The following FAM234B variants were observed in gnomAD, a reference collection of about 807,000 sequenced individuals.
FAM234B encodes family with sequence similarity 234 member B.
In FAM234B, 33 loss-of-function variants were observed where a neutral mutation model predicts 69.3. The observed-to-expected ratio is 0.48, with a 90% confidence interval of 0.36 to 0.64. FAM234B has a LOEUF of 0.64. Ranked by LOEUF, FAM234B falls within the 30% of genes least tolerant of loss-of-function variation. The pLI, the probability that FAM234B is intolerant of heterozygous loss-of-function variation, is 0.00. For synonymous variants in FAM234B, 306 were observed against 306.9 expected (o/e 1.00, Z 0.03); for missense variants, 697 against 769.7 (o/e 0.91, Z 1.12).
At position 13,076,162 on chromosome 12, in the gene FAM234B, G is replaced by A. The variant is rs182078869; in HGVS notation, c.1642+19G>A. ...TCAGAGGGTGAGTCCCAGTGCCAGC[G>A]GGAGTCTGTGTACGCAGATGGTGGG... is the stretch of plus-strand genomic sequence containing the variant. On this transcript the variant is annotated intron_variant, in intron 11 of 12. Coordinates refer to ENST00000197268, the MANE Select transcript of FAM234B (RefSeq NM_020853.2). 1.9e-5 allele frequency: 30 copies of A among 1,547,684 alleles called. No homozygotes were observed. Among genetic ancestry groups the A allele is most frequent in the Non-Finnish European group, 2.3e-5 (26 of 1,119,670 alleles).
chr12:13,068,783 C>T lies in FAM234B; in HGVS notation c.1368+72C>T, dbSNP rs1184371728. ...ACTTTGTGTCCAACCCTGTGTTAGG[C>T]ACAGCAGGGAATAAAAAGAACCTAA... On this transcript the variant is annotated intron_variant, in intron 9 of 12. Transcript: ENST00000197268. 3.1e-6 allele frequency: 3 copies of T among 973,058 alleles called. No individual in the cohort carries two copies. In the East Asian group the frequency reaches 7.3e-5, roughly 24 times the overall value. 60.3% of individuals were successfully genotyped at this position (973,058 alleles called of 1,614,324 possible). A position where few individuals can be genotyped will look rare whatever the true frequency, so the allele number is the denominator to read the frequency against.
intron 1 of FAM234B, among the ~76,000 whole-genome samples, chr12:13,053,373 G>T (rs2120451091): frequency 6.6e-6 from 1 of 152,016 alleles, no homozygotes; most frequent in East Asian, 1.9e-4. Context: ...TGGTATTGGG[G>T]GAACCAGCCC....
chr12:13,064,043 TC>T (rs943910853), intron 5 of FAM234B, among the ~76,000 whole-genome samples: 99 of 152,068 alleles, frequency 6.5e-4, no homozygotes, highest in African/African-American at 2.3e-3. Context: ...CTGCCAAGAG[TC>T]CCCCAAACTT....
intron 2 of FAM234B, 109 bp from the exon 3 acceptor site, chr12:13,058,342 C>T (rs1864952710): frequency 1.2e-6 from 1 of 821,790 alleles, no homozygotes. Context: ...GTCTACTATA[C>T]CTAGTCGAGG....
Position 13,061,624 on chromosome 12 carries a change from C to G in FAM234B, c.582C>G (p.Gly194=), listed in dbSNP as rs1277112084. 3 of 1,613,772 alleles carry G rather than the reference C, an allele frequency of 1.9e-6. No individual in the cohort carries two copies. Among genetic ancestry groups the G allele is most frequent in the Non-Finnish European group, 2.5e-6 (3 of 1,179,938 alleles). The change falls in exon 4 of 13, where the codon GGC becomes GGG. Residue 194 remains glycine (G), a synonymous_variant. Transcript: ENST00000197268. ...ANLVCLSGMN[G]STLWSSLLPE... ...TTGTATGCCTTTCGGGGATGAATGG[C>G]AGCACACTGTGGTCTAGTCTTCTCC...
At chr12:13,045,195 G>A (rs1235409178) in intron 1 of FAM234B, among the ~76,000 whole-genome samples, 2 of 151,156 alleles carry the variant, frequency 1.3e-5, no homozygotes, top group East Asian at 2.0e-4. Flanking sequence ...TCAGTACTTC[G>A]GGCAGCAGCT....
chr12:13,058,455 G>C lies in FAM234B; in HGVS notation c.438G>C (p.Gly146=). 1 of 1,613,524 alleles carries C rather than the reference G, an allele frequency of 6.2e-7. No individual in the cohort carries two copies. Among genetic ancestry groups the C allele is most frequent in the South Asian group, 1.1e-5 (1 of 91,070 alleles). Residue 146 remains glycine (G), a synonymous_variant, in exon 3 of 13, where the codon GGG becomes GGC. Transcript: ENST00000197268. ...GGTTTTTTATGTGTATAACAGGTGG[G>C]GACCTGTCTCCATTGGAATTGGCTG... The part of the protein sequence containing the change: ...WSRHLGSQGG[G]DLSPLELADV...
At chr12:13,080,551 T>TTTAG (rs758505290) in intron 12 of FAM234B, 74 bp from the exon 13 acceptor site, 23 of 1,242,988 alleles carry the variant, frequency 1.9e-5, no homozygotes, top group Non-Finnish European at 2.7e-5. Flanking sequence ...TATTCTGACC[T>TTTAG]TTAGTTTTCC....
chr12:13,071,812 C>T (rs771999346), intron 10 of FAM234B, among the ~76,000 whole-genome samples: 4 of 151,884 alleles, frequency 2.6e-5, no homozygotes, highest in African/African-American at 4.8e-5. Flanking sequence ...ACTGAAGGAA[C>T]GGGGATGGGG....
rs1285417493 is a variant in FAM234B at position 13,063,104 on chromosome 12, A to T, written c.852+129A>T. 9 of 1,129,574 alleles carry T rather than the reference A, an allele frequency of 8.0e-6. No individual in the cohort carries two copies. The East Asian group carries it at 2.0e-4, about 25-fold the overall frequency. 70.0% of individuals were successfully genotyped at this position (1,129,574 alleles called of 1,614,324 possible). A position where few individuals can be genotyped will look rare whatever the true frequency, so the allele number is the denominator to read the frequency against. ...TTTACAAGGGTTTAGGTTTAAGTAAATTCTCTTTGTGAGGTTAAGTGAATA... is the reference window on the plus strand; with the variant it reads ...TTTACAAGGGTTTAGGTTTAAGTAATTTCTCTTTGTGAGGTTAAGTGAATA... On this transcript the variant is annotated intron_variant, in intron 5 of 12. Coordinates refer to ENST00000197268, the MANE Select transcript of FAM234B (RefSeq NM_020853.2).
Position 13,070,754 on chromosome 12 carries a change from G to A in FAM234B, c.1369-487G>A, listed in dbSNP as rs144558070. ...AGGTCCATATGCCACGACACCAAGA[G>A]TCAGATCCATAAAACTGGGAACACC... On this transcript the variant is annotated intron_variant, in intron 9 of 12. Coordinates refer to ENST00000197268, the MANE Select transcript of FAM234B (RefSeq NM_020853.2). Among the ~76,000 whole-genome samples the A allele has an allele frequency of 2.1e-3, 313 of 152,230 alleles. 1 individual carries two copies. Among genetic ancestry groups the A allele is most frequent in the Middle Eastern group, 0.01 (3 of 294 alleles).
At chr12:13,054,190 A>G (rs111335817) in intron 1 of FAM234B, among the ~76,000 whole-genome samples, 15,278 of 152,254 alleles carry the variant, frequency 0.1, 1,082 homozygotes, top group East Asian at 0.2. Flanking sequence ...TTAAGAGATT[A>G]AAGTAAAGAC....
At chr12:13,076,211 A>G in intron 11 of FAM234B, 68 bp downstream of exon 11, 1 of 1,184,580 alleles carries the variant, frequency 8.4e-7, no homozygotes, top group Non-Finnish European at 1.3e-6. Context: ...GCTGTGTGTA[A>G]TGAGACCATT....
intron 4 of FAM234B, among the ~76,000 whole-genome samples, 188 bp downstream of exon 4, chr12:13,061,951 A>T (rs1472390158): frequency 6.6e-6 from 1 of 152,016 alleles, no homozygotes; most frequent in Admixed American, 6.6e-5. Flanking sequence ...TCCATGGTTC[A>T]ACCTGTTTGG....
chr12:13,079,936 C>G lies in FAM234B; in HGVS notation c.1790C>G (p.Ser597Cys). The change falls in exon 12 of 13, where the codon TCC becomes TGC. Residue 597 changes from serine to cysteine, a missense_variant. By Grantham distance (112) the Ser-to-Cys change is moderately radical. Coordinates refer to ENST00000197268, the MANE Select transcript of FAM234B (RefSeq NM_020853.2). ...GGCCAGATGGCTCAGCTACAGGAGT[C>G]CACCCCCAAAATTGGCCGTGGGGAG... is the stretch of plus-strand genomic sequence containing the variant. ...MEGQMAQLQESTPKIGRGELR... is the reference protein window; with the variant it reads ...MEGQMAQLQECTPKIGRGELR... 6.2e-7 allele frequency: 1 copy of G among 1,613,718 alleles called. No individual in the cohort carries two copies. The highest frequency in any genetic ancestry group is 1.1e-5 in the South Asian group (1 of 90,990).
At position 13,068,396 on chromosome 12, in the gene FAM234B, G is replaced by C; in HGVS notation, c.1235G>C (p.Arg412Pro). The C allele has an allele frequency of 1.9e-6, 3 of 1,614,144 alleles. No individual in the cohort carries two copies. The highest frequency in any genetic ancestry group is 1.7e-6 in the Non-Finnish European group (2 of 1,180,014). The change falls in exon 8 of 13, where the codon CGG becomes CCG. Residue 412 changes from arginine to proline, a missense_variant. Around this residue, in one of 3 missense-constraint regions of FAM234B, gnomAD observed 313 missense variants for 305.5 expected, o/e 1.02. Coordinates refer to ENST00000197268, the MANE Select transcript of FAM234B (RefSeq NM_020853.2). ...ITTRQSLVLL[R>P]GQNLTPYWAL... The stretch of plus-strand genomic sequence containing the variant: ...ACCAGACAAAGCCTTGTGCTGCTTC[G>C]GGGGCAAAATCTGACACCTTACTGG...
Position 13,063,389 on chromosome 12 carries a change from G to T in FAM234B, c.852+414G>T, listed in dbSNP as rs138318906. Among the ~76,000 whole-genome samples the T allele has an allele frequency of 6.8e-3, 1,028 of 152,214 alleles. 14 individuals are homozygous for T. The highest frequency in any genetic ancestry group is 0.024 in the African/African-American group (986 of 41,514). On this transcript the variant is annotated intron_variant, in intron 5 of 12. Coordinates refer to ENST00000197268, the MANE Select transcript of FAM234B (RefSeq NM_020853.2). ...GTGCCTAGAGTAGTGCCTAATTTTT[G>T]CTGTGTATATGTATTTTTAGTTTTA...
Position 13,079,195 on chromosome 12 carries a change from T to C in FAM234B, c.1643-594T>C, listed in dbSNP as rs536618586. 8.0e-4 allele frequency among the ~76,000 whole-genome samples: 121 copies of C among 152,148 alleles called. 1 individual carries two copies. In the East Asian group the frequency reaches 0.021, roughly 26 times the overall value. On this transcript the variant is annotated intron_variant, in intron 11 of 12. Coordinates refer to ENST00000197268, the MANE Select transcript of FAM234B (RefSeq NM_020853.2). ...TGGTATTGGTACCAAAACAGAGATA[T>C]AGATCAATGGAACAGAACAGAGCCC... is the stretch of plus-strand genomic sequence containing the variant.
In FAM234B at chr12:13,068,347, A is replaced by G. The variant is rs1865063185; in HGVS notation, c.1186A>G (p.Asn396Asp). Residue 396 changes from asparagine to aspartate, a missense_variant, in exon 8 of 13, where the codon AAC becomes GAC. Coordinates refer to ENST00000197268, the MANE Select transcript of FAM234B (RefSeq NM_020853.2). ...CCAGATGGTGAAGGCACCAGATTCC[A>G]ACTGCAGCAACCTTCTGATTACAAC... ...LLQMVKAPDS[N>D]CSNLLITTRQ... The G allele has an allele frequency of 6.2e-7, 1 of 1,614,204 alleles. No individual in the cohort carries two copies. Among genetic ancestry groups the G allele is most frequent in the Non-Finnish European group, 8.5e-7 (1 of 1,180,034 alleles).
Sources: allele counts gnomAD v4.1 joint callset (sites outside exome capture counted in the v4.1 genomes callset), GRCh38; gene constraint gnomAD v4.1.1; regional missense constraint gnomAD v4.1.1; transcripts MANE v1.5; gene names NCBI Gene and HGNC (gene_info 2026-07-23, HGNC 2026-07-21).